The following FSIP1 variants were observed in gnomAD, a reference collection of about 807,000 sequenced individuals.
The protein encoded by FSIP1 is fibrous sheath-interacting protein 1.
In FSIP1, 65 loss-of-function variants were observed where a neutral mutation model predicts 60.9. The ratio of observed to expected loss-of-function variants is 1.07; its 90% CI spans 0.87 to 1.31. FSIP1 has a LOEUF of 1.31. Among genes scored for constraint, FSIP1 ranks in the 40% most tolerant of loss-of-function variants. The probability of loss-of-function intolerance (pLI) is 0.00; values close to 1 mark genes in which losing one functional copy is unlikely to be tolerated. For synonymous variants in FSIP1, 209 were observed against 221.2 expected (o/e 0.94, Z 0.49); for missense variants, 675 against 665.5 (o/e 1.01, Z -0.16).
chr15:39,637,949 G>T (rs1892204063), intron 10 of FSIP1, among the ~76,000 whole-genome samples: 2 of 152,200 alleles, frequency 1.3e-5, no homozygotes, highest in African/African-American at 4.8e-5. Context: ...TCATTTATTT[G>T]TAGGTGTTTT....
At chr15:39,717,243 T>C (rs1895777650) in intron 9 of FSIP1, among the ~76,000 whole-genome samples, 1 of 134,210 alleles carries the variant, frequency 7.5e-6, no homozygotes, top group Admixed American at 8.0e-5. Flanking sequence ...AGCTAAAAAC[T>C]GAAAACAGCC....
At chr15:39,648,206 T>A in intron 10 of FSIP1, among the ~76,000 whole-genome samples, 1 of 143,964 alleles carries the variant, frequency 6.9e-6, no homozygotes, top group Admixed American at 7.0e-5. Context: ...AGTATAAAAT[T>A]GCTACCAAAA....
chr15:39,676,526 CTG>C lies in FSIP1; in HGVS notation c.1188+36916_1188+36917del, dbSNP rs898270935. ...TGTGCTCTGGATATATTCCTGAAGA[CTG>C]TGTGTTCACGGAGCAGCTCAGTGCT... On this transcript the variant is annotated intron_variant, in intron 10 of 11. Transcript: ENST00000350221. Among the ~76,000 whole-genome samples the C allele has an allele frequency of 2.0e-5, 3 of 152,308 alleles. No homozygotes were observed. The East Asian group carries it at 5.8e-4, about 29-fold the overall frequency.
chr15:39,744,847 G>A (rs1896940717), intron 5 of FSIP1, among the ~76,000 whole-genome samples: 1 of 149,578 alleles, frequency 6.7e-6, no homozygotes, highest in Admixed American at 6.8e-5. Context: ...GCTTGAAGGA[G>A]AACAGAAGCT....
intron 10 of FSIP1, among the ~76,000 whole-genome samples, chr15:39,683,421 A>G (rs1190197274): frequency 1.3e-5 from 2 of 152,216 alleles, no homozygotes. Context: ...CAAATTAGGA[A>G]TAGAAGGGAC....
At chr15:39,612,832 T>C (rs927963077) in intron 11 of FSIP1, among the ~76,000 whole-genome samples, 3 of 152,066 alleles carry the variant, frequency 2.0e-5, no homozygotes, top group African/African-American at 7.2e-5. Flanking sequence ...AAGATAATGA[T>C]TATGACCATA....
intron 10 of FSIP1, among the ~76,000 whole-genome samples, chr15:39,638,506 T>G (rs1892223753): frequency 6.6e-6 from 1 of 152,226 alleles, no homozygotes. Context: ...CTGGAAGCTA[T>G]AGAAACACAC....
chr15:39,744,806 C>T (rs926756192), intron 5 of FSIP1, among the ~76,000 whole-genome samples: 13 of 151,662 alleles, frequency 8.6e-5, no homozygotes, highest in Admixed American at 3.3e-4. Context: ...CACACACACA[C>T]ACACAGTTCC....
intron 10 of FSIP1, among the ~76,000 whole-genome samples, chr15:39,649,848 C>T (rs1364192442): frequency 1.3e-5 from 2 of 152,192 alleles, no homozygotes; most frequent in Non-Finnish European, 2.9e-5. Flanking sequence ...GCCAATATCC[C>T]GATTGCCTTC....
chr15:39,776,429 C>T lies in FSIP1; in HGVS notation c.96G>A (p.Glu32=), dbSNP rs1167321740. ...AGGATCCTGGTTCTGTTGAGAGCAC[C>T]TCCAAAGAAGCATTTGAACTTCTGC... ...PGSRSSNASL[E]VLSTEPGSFK... The change falls in exon 2 of 12, where the codon GAG becomes GAA. Residue 32 remains glutamate, a synonymous_variant. Transcript: ENST00000350221. 4.3e-6 allele frequency: 7 copies of T among 1,613,704 alleles called. No individual in the cohort carries two copies. Among genetic ancestry groups the T allele is most frequent in the Non-Finnish European group, 5.9e-6 (7 of 1,179,884 alleles).
intron 10 of FSIP1, among the ~76,000 whole-genome samples, chr15:39,690,108 G>A (rs1040519235): frequency 3.3e-5 from 5 of 152,208 alleles, no homozygotes; most frequent in African/African-American, 9.7e-5. Flanking sequence ...CATAAAGAAG[G>A]TTTGTATGTT....
In FSIP1 at chr15:39,770,609, A is replaced by C. The variant is rs373400015; in HGVS notation, c.128T>G (p.Val43Gly). The change falls in exon 3 of 12, where the codon GTC becomes GGC. Residue 43 changes from valine to glycine, a missense_variant and splice_region_variant. Transcript: ENST00000350221. ...VLSTEPGSFK[V>G]DTASNLNSGK... ...AGAGTTCAAGTTGCTTGCAGTATCGACCTAAAAATAATTTCAAAAAAAAAA... is the reference window on the plus strand; with the variant it reads ...AGAGTTCAAGTTGCTTGCAGTATCGCCCTAAAAATAATTTCAAAAAAAAAA... 6 of 1,478,678 alleles carry C rather than the reference A, an allele frequency of 4.1e-6. No individual in the cohort carries two copies. The African/African-American group carries it at 7.2e-5, about 18-fold the overall frequency. The allele number at this position is 1,478,678 out of a possible 1,614,324, so 91.6% of individuals were successfully genotyped here. A position where few individuals can be genotyped will look rare whatever the true frequency, so the allele number is the denominator to read the frequency against.
intron 8 of FSIP1, among the ~76,000 whole-genome samples, chr15:39,733,322 C>T (rs1014067864): frequency 3.9e-5 from 6 of 152,238 alleles, no homozygotes; most frequent in East Asian, 3.9e-4. Context: ...TGAGCCACCA[C>T]GCTGGGCCTA....
intron 5 of FSIP1, among the ~76,000 whole-genome samples, chr15:39,746,085 A>C (rs112838537): frequency 1.4e-4 from 21 of 152,312 alleles, no homozygotes; most frequent in African/African-American, 4.6e-4. Flanking sequence ...TCTCTAAAAA[A>C]TAAAAATTTA....
In FSIP1 at chr15:39,657,982, C is replaced by T. The variant is rs576814676; in HGVS notation, c.1189-39737G>A. 2.2e-3 allele frequency among the ~76,000 whole-genome samples: 329 copies of T among 152,192 alleles called. 3 individuals are homozygous for T. The South Asian group carries it at 0.026, about 12-fold the overall frequency. On this transcript the variant is annotated intron_variant, in intron 10 of 11. Coordinates refer to ENST00000350221, the MANE Select transcript of FSIP1 (RefSeq NM_152597.5). ...ATATAGTAGGGCCTGTGATGGATGG[C>T]CAATACAAAAACGCTCTGACACTAA... is the stretch of plus-strand genomic sequence containing the variant.
intron 11 of FSIP1, among the ~76,000 whole-genome samples, chr15:39,615,214 CTTT>C (rs1168685831): frequency 6.6e-6 from 1 of 151,764 alleles, no homozygotes; most frequent in Admixed American, 6.6e-5. Context: ...TGAGCAGTGA[CTTT>C]TTTTTAATAC....
At chr15:39,660,214 G>C (rs1893242758) in intron 10 of FSIP1, among the ~76,000 whole-genome samples, 1 of 152,164 alleles carries the variant, frequency 6.6e-6, no homozygotes. Context: ...CCACCTTCTA[G>C]GTGAGGCTAG....
chr15:39,692,645 T>A (rs1894648356), intron 10 of FSIP1, among the ~76,000 whole-genome samples: 1 of 151,992 alleles, frequency 6.6e-6, no homozygotes, highest in Non-Finnish European at 1.5e-5. Flanking sequence ...TATAATTTAG[T>A]GTGTAAGAAT....
At chr15:39,773,163 T>A (rs571566040) in intron 2 of FSIP1, among the ~76,000 whole-genome samples, 30 of 152,286 alleles carry the variant, frequency 2.0e-4, no homozygotes, top group African/African-American at 7.0e-4. Flanking sequence ...GAAAAAAATC[T>A]TTGGTAAGAA....
Sources: allele counts gnomAD v4.1 joint callset (sites outside exome capture counted in the v4.1 genomes callset), GRCh38; gene constraint gnomAD v4.1.1; transcripts MANE v1.5; gene names NCBI Gene and HGNC (gene_info 2026-07-23, HGNC 2026-07-21).